The following CFAP300 variants were observed in gnomAD, a reference collection of about 807,000 sequenced individuals.
CFAP300 encodes the protein cilia- and flagella-associated protein 300.
In CFAP300, 32 loss-of-function variants were observed where a neutral mutation model predicts 33.0. The observed-to-expected ratio is 0.97, with a 90% confidence interval of 0.73 to 1.30. CFAP300 has a LOEUF of 1.30. Among genes scored for constraint, CFAP300 ranks in the 50% most tolerant of loss-of-function variants. The pLI, the probability that CFAP300 is intolerant of heterozygous loss-of-function variation, is 0.00. For synonymous variants in CFAP300, 102 were observed against 106.8 expected (o/e 0.95, Z 0.28); for missense variants, 356 against 318.1 (o/e 1.12, Z -0.90).
chr11:102,081,351 A>C, intron 6 of CFAP300, 70 bp downstream of exon 6: 2 of 1,261,860 alleles, frequency 1.6e-6, no homozygotes, highest in Non-Finnish European at 2.3e-6. Flanking sequence ...TTACAACTGG[A>C]GTTAACAATC....
chr11:102,067,851 G>A (rs1026461566), intron 4 of CFAP300, among the ~76,000 whole-genome samples: 1 of 152,160 alleles, frequency 6.6e-6, no homozygotes, highest in Non-Finnish European at 1.5e-5. Flanking sequence ...AGGCTGCTGT[G>A]AGCTATGATT....
intron 5 of CFAP300, among the ~76,000 whole-genome samples, chr11:102,078,080 A>T (rs1302579536): frequency 2.0e-5 from 3 of 151,924 alleles, no homozygotes; most frequent in Admixed American, 2.0e-4. Flanking sequence ...TTTTGTAGAG[A>T]CAGGGTTTCA....
At chr11:102,081,161 T>C (rs1942467747) in intron 5 of CFAP300, 54 bp from the exon 6 acceptor site, 1 of 1,258,018 alleles carries the variant, frequency 7.9e-7, no homozygotes, top group South Asian at 1.4e-5. Context: ...ATTACTTAAA[T>C]GTATATGCCA....
At chr11:102,068,439 C>T (rs1318776810) in intron 4 of CFAP300, among the ~76,000 whole-genome samples, 2 of 152,162 alleles carry the variant, frequency 1.3e-5, no homozygotes, top group Non-Finnish European at 2.9e-5. Context: ...TTGAATGAGA[C>T]TACATATAGT....
Position 102,049,646 on chromosome 11 carries a change from C to A in CFAP300, c.192+1750C>A, listed in dbSNP as rs1941939225. ...TAGTTTTTTATATTTTTTATTTATA[C>A]CAGTACTGGCTGTCTATAATTTTTT... On this transcript the variant is annotated intron_variant, in intron 2 of 6. Coordinates refer to ENST00000434758, the MANE Select transcript of CFAP300 (RefSeq NM_032930.3). Among the ~76,000 whole-genome samples the A allele has an allele frequency of 2.6e-5, 4 of 151,910 alleles. No individual in the cohort carries two copies. In the South Asian group the frequency reaches 8.3e-4, roughly 32 times the overall value.
intron 5 of CFAP300, among the ~76,000 whole-genome samples, chr11:102,080,210 T>TTA (rs1303352189): frequency 6.6e-6 from 1 of 152,180 alleles, no homozygotes; most frequent in African/African-American, 2.4e-5. Context: ...GTATATTTAT[T>TTA]TATATATATG....
chr11:102,047,779 G>C (rs1162447090), intron 1 of CFAP300, 36 bp from the exon 2 acceptor site: 1 of 1,607,512 alleles, frequency 6.2e-7, no homozygotes, highest in East Asian at 2.2e-5. Context: ...GAGGGTGCCA[G>C]CCCCCAGATG....
chr11:102,064,323 A>G (rs1298550748), intron 3 of CFAP300, among the ~76,000 whole-genome samples: 2 of 152,148 alleles, frequency 1.3e-5, no homozygotes, highest in Non-Finnish European at 2.9e-5. Context: ...TTCAGAAACT[A>G]TCGGGCTCTA....
chr11:102,047,828 A>C lies in CFAP300; in HGVS notation c.124A>C (p.Arg42=). 1 of 1,614,162 alleles carries C rather than the reference A, an allele frequency of 6.2e-7. No individual in the cohort carries two copies. Among genetic ancestry groups the C allele is most frequent in the Non-Finnish European group, 8.5e-7 (1 of 1,180,016 alleles). ...CCTCTGCCCCAGGTCCATGCTGGGCAGAATCAAGGCGCAGGCGTTCGGCTT... is the reference window on the plus strand; with the variant it reads ...CCTCTGCCCCAGGTCCATGCTGGGCCGAATCAAGGCGCAGGCGTTCGGCTT... ...SRLRQWSMLG[R]IKAQAFGFDQ... Residue 42 remains arginine, a synonymous_variant, in exon 2 of 7, where the codon AGA becomes CGA. Coordinates refer to ENST00000434758, the MANE Select transcript of CFAP300 (RefSeq NM_032930.3).
chr11:102,068,705 T>C (rs1426570185), intron 4 of CFAP300, among the ~76,000 whole-genome samples: 1 of 152,158 alleles, frequency 6.6e-6, no homozygotes, highest in Non-Finnish European at 1.5e-5. Flanking sequence ...AAGAATTCCT[T>C]GAACCCGGGA....
At chr11:102,049,654 G>A (rs1402871620) in intron 2 of CFAP300, among the ~76,000 whole-genome samples, 4 of 151,856 alleles carry the variant, frequency 2.6e-5, no homozygotes, top group Non-Finnish European at 5.9e-5. Context: ...TACCAGTACT[G>A]GCTGTCTATA....
chr11:102,067,319 C>T lies in CFAP300; in HGVS notation c.435+668C>T, dbSNP rs548809784. 2.1e-3 allele frequency among the ~76,000 whole-genome samples: 315 copies of T among 152,294 alleles called. 2 individuals are homozygous for T. The highest frequency in any genetic ancestry group is 7.1e-3 in the African/African-American group (297 of 41,564). On this transcript the variant is annotated intron_variant, in intron 4 of 6. Transcript: ENST00000434758. ...GCTGCAATGAGCTGTGATCATGCCACTGCACTCCAACCTGGGCGACAGAGC... is the reference window on the plus strand; with the variant it reads ...GCTGCAATGAGCTGTGATCATGCCATTGCACTCCAACCTGGGCGACAGAGC...
rs190532460 is a variant in CFAP300 at position 102,081,582 on chromosome 11, A to T, written c.675+301A>T. ...CTCTTAGTCTGTCAAACCATCATTT[A>T]TAGGGCAGATAAATAAGAATGCCAC... On this transcript the variant is annotated intron_variant, in intron 6 of 6. Coordinates refer to ENST00000434758, the MANE Select transcript of CFAP300 (RefSeq NM_032930.3). 397 of 441,032 alleles carry T rather than the reference A, an allele frequency of 9.0e-4. 3 individuals carry two copies. The highest frequency in any genetic ancestry group is 4.7e-3 in the Middle Eastern group (8 of 1,708). 27.3% of individuals were successfully genotyped at this position (441,032 alleles called of 1,614,324 possible).
At chr11:102,065,339 C>T (rs950304943) in intron 3 of CFAP300, among the ~76,000 whole-genome samples, 1 of 151,986 alleles carries the variant, frequency 6.6e-6, no homozygotes, top group Admixed American at 6.6e-5. Context: ...CTCCTGACCT[C>T]AAGTGATCCA....
chr11:102,078,565 A>T (rs1042630087), intron 5 of CFAP300, among the ~76,000 whole-genome samples: 5 of 152,218 alleles, frequency 3.3e-5, no homozygotes, highest in African/African-American at 1.2e-4. Context: ...AAAAAATTAG[A>T]CAAATTATTT....
At chr11:102,078,008 A>G (rs1458830308) in intron 5 of CFAP300, among the ~76,000 whole-genome samples, 3 of 152,108 alleles carry the variant, frequency 2.0e-5, no homozygotes, top group Non-Finnish European at 4.4e-5. Context: ...CTCCCACCTT[A>G]GCCTCCCGAA....
chr11:102,057,130 G>T (rs1942072277), intron 2 of CFAP300, among the ~76,000 whole-genome samples: 1 of 151,696 alleles, frequency 6.6e-6, no homozygotes, highest in Admixed American at 6.6e-5. Flanking sequence ...CCAAGGTCAG[G>T]AGTTCAAGAC....
In CFAP300 at chr11:102,047,440, C is replaced by A. The variant is rs1037430622; in HGVS notation, c.-31C>A. 1 of 1,513,088 alleles carries A rather than the reference C, an allele frequency of 6.6e-7. No individual in the cohort carries two copies. The highest frequency in any genetic ancestry group is 8.9e-7 in the Non-Finnish European group (1 of 1,126,324). The allele number at this position is 1,513,088 out of a possible 1,614,324, so 93.7% of individuals were successfully genotyped here. On this transcript the variant is annotated 5_prime_UTR_variant, in exon 1 of 7. Transcript: ENST00000434758. ...GACGGCCGCCGCGTCTCCATGGAAA[C>A]GGCCCAGGCATCCACCCAGCCGAGA...
chr11:102,077,719 C>T (rs1242224079), intron 5 of CFAP300, among the ~76,000 whole-genome samples: 5 of 152,050 alleles, frequency 3.3e-5, no homozygotes, highest in African/African-American at 1.2e-4. Context: ...GGATTATAGG[C>T]ACAAGCCACC....
Sources: gnomAD v4.1 joint callset for allele counts (sites outside exome capture counted in the v4.1 genomes callset) on GRCh38, gnomAD v4.1.1 for gene constraint, MANE v1.5 for transcripts, NCBI Gene and HGNC (gene_info 2026-07-23, HGNC 2026-07-21) for gene names.